The following EXOC6B variants were observed in gnomAD, a reference collection of about 807,000 sequenced individuals.
The protein encoded by EXOC6B is exocyst complex component 6B, also known as SEC15 homolog B.
Under a neutral mutation model 113.5 loss-of-function variants are expected in EXOC6B, and 54 were observed. That is an observed-to-expected ratio of 0.48 (90% confidence interval 0.38 to 0.60). The LOEUF (loss-of-function observed/expected upper bound fraction) is 0.60, where lower values mean the gene tolerates loss of function less well. EXOC6B is among the 20% of genes least tolerant of loss of function. The pLI, the probability that EXOC6B is intolerant of heterozygous loss-of-function variation, is 0.00. For missense variants in EXOC6B, 797 were observed against 977.5 expected (o/e 0.82, Z 2.46); for synonymous variants, 357 against 339.0 (o/e 1.05, Z -0.58).
chr2:72,455,569 C>T (rs1161328676), intron 18 of EXOC6B, among the ~76,000 whole-genome samples: 2 of 152,122 alleles, frequency 1.3e-5, no homozygotes, highest in African/African-American at 4.8e-5. Flanking sequence ...AGGCAGTTTA[C>T]ACCCCAGATT....
chr2:72,484,953 A>C (rs1392425934), intron 16 of EXOC6B, among the ~76,000 whole-genome samples: 1 of 152,160 alleles, frequency 6.6e-6, no homozygotes, highest in East Asian at 1.9e-4. Flanking sequence ...TTTATAGTAG[A>C]ATGATTTAAA....
rs148575148 is a variant in EXOC6B at position 72,643,985 on chromosome 2, T to C, written c.670-68317A>G. On this transcript the variant is annotated intron_variant, in intron 6 of 21. Coordinates refer to ENST00000272427, the MANE Select transcript of EXOC6B (RefSeq NM_015189.3). Reference sequence around the variant, plus strand: ...ACAGAAGTAGACTTCAGAAGGTCGGTAATAACAAACTTCAAGCTAAAGAAG... The same window carrying C: ...ACAGAAGTAGACTTCAGAAGGTCGGCAATAACAAACTTCAAGCTAAAGAAG... Among the ~76,000 whole-genome samples the C allele has an allele frequency of 5.4e-3, 827 of 151,868 alleles. 9 individuals carry two copies. The highest frequency in any genetic ancestry group is 0.019 in the African/African-American group (789 of 41,420).
intron 1 of EXOC6B, among the ~76,000 whole-genome samples, chr2:72,742,042 T>G (rs1681354607): frequency 6.6e-6 from 1 of 152,218 alleles, no homozygotes; most frequent in African/African-American, 2.4e-5. Flanking sequence ...CCTCAGCTGC[T>G]GATCTGACTA....
At chr2:72,502,356 T>C (rs947443271) in intron 11 of EXOC6B, among the ~76,000 whole-genome samples, 1 of 152,268 alleles carries the variant, frequency 6.6e-6, no homozygotes, top group Non-Finnish European at 1.5e-5. Flanking sequence ...TGGGCCAGCC[T>C]GGCCATTACG....
intron 7 of EXOC6B, among the ~76,000 whole-genome samples, chr2:72,564,067 G>A (rs945787933): frequency 7.2e-5 from 11 of 152,120 alleles, no homozygotes; most frequent in African/African-American, 2.7e-4. Flanking sequence ...CAGCTTTACT[G>A]CTGGGTAAGC....
At chr2:72,527,271 G>T (rs1701790252) in intron 8 of EXOC6B, among the ~76,000 whole-genome samples, 1 of 151,964 alleles carries the variant, frequency 6.6e-6, no homozygotes, top group Non-Finnish European at 1.5e-5. Flanking sequence ...AAAACATACA[G>T]TTAAGTTTTT....
intron 6 of EXOC6B, among the ~76,000 whole-genome samples, chr2:72,679,180 C>T (rs1676521471): frequency 6.6e-6 from 1 of 152,136 alleles, no homozygotes; most frequent in South Asian, 2.1e-4. Context: ...GATTCTCCTG[C>T]CTCGGCTTCC....
intron 20 of EXOC6B, among the ~76,000 whole-genome samples, chr2:72,299,192 A>C (rs7580952): frequency 0.37 from 55,220 of 150,968 alleles, 16,385 homozygotes; most frequent in African/African-American, 0.83. Context: ...TCTTTTCACT[A>C]TTTTTTCTCT....
At chr2:72,419,743 A>G (rs1464925260) in intron 18 of EXOC6B, among the ~76,000 whole-genome samples, 2 of 152,124 alleles carry the variant, frequency 1.3e-5, no homozygotes, top group African/African-American at 4.8e-5. Context: ...TCTGTTTTTC[A>G]AAAGTTTTAT....
chr2:72,241,787 A>C (rs1199124269), intron 20 of EXOC6B, among the ~76,000 whole-genome samples: 1 of 152,228 alleles, frequency 6.6e-6, no homozygotes, highest in Non-Finnish European at 1.5e-5. Flanking sequence ...AGTGAAAGTG[A>C]AATAAAGACT....
intron 18 of EXOC6B, among the ~76,000 whole-genome samples, chr2:72,401,628 TATATATATAC>T (rs1458180013): frequency 2.1e-4 from 10 of 48,322 alleles, no homozygotes; most frequent in Admixed American, 2.8e-4. Context: ...TATACATATA[TATATATATAC>T]ATATATACAT....
intron 6 of EXOC6B, among the ~76,000 whole-genome samples, chr2:72,707,477 G>A (rs150747219): frequency 0.013 from 1,950 of 150,684 alleles, 35 homozygotes; most frequent in African/African-American, 0.04. Context: ...GCAGTGGTGT[G>A]ATCTCAGCTC....
intron 8 of EXOC6B, among the ~76,000 whole-genome samples, chr2:72,555,185 T>C (rs1189362801): frequency 6.6e-6 from 1 of 152,216 alleles, no homozygotes; most frequent in Non-Finnish European, 1.5e-5. Context: ...TTCCAAGTTT[T>C]TGCTATTGTG....
chr2:72,587,718 T>C (rs968460101), intron 6 of EXOC6B, among the ~76,000 whole-genome samples: 6 of 151,954 alleles, frequency 3.9e-5, no homozygotes, highest in African/African-American at 1.2e-4. Flanking sequence ...AAGAGAATCA[T>C]CAACAGAGTA....
At chr2:72,540,838 C>T (rs1702557936) in intron 8 of EXOC6B, among the ~76,000 whole-genome samples, 2 of 152,186 alleles carry the variant, frequency 1.3e-5, no homozygotes, top group Admixed American at 1.3e-4. Flanking sequence ...GAGAGAGACA[C>T]AATGGCCTAA....
chr2:72,395,331 C>T (rs1223890649), intron 18 of EXOC6B, among the ~76,000 whole-genome samples: 3 of 152,220 alleles, frequency 2.0e-5, no homozygotes, highest in East Asian at 3.9e-4. Context: ...TTAACTTCCA[C>T]ATACAACTTA....
intron 8 of EXOC6B, chr2:72,515,691 G>A (rs17560823): frequency 0.15 from 151,342 of 987,754 alleles, 12,310 homozygotes; most frequent in Non-Finnish European, 0.17. Context: ...AGGGTTTCTG[G>A]GCTTAAAATG....
intron 6 of EXOC6B, among the ~76,000 whole-genome samples, chr2:72,713,495 A>C (rs1447495023): frequency 6.6e-6 from 1 of 151,884 alleles, no homozygotes; most frequent in Non-Finnish European, 1.5e-5. Flanking sequence ...GGTTAGTTAC[A>C]TATGTATACA....
intron 6 of EXOC6B, among the ~76,000 whole-genome samples, chr2:72,590,663 C>T (rs965845247): frequency 6.6e-6 from 1 of 151,938 alleles, no homozygotes; most frequent in Non-Finnish European, 1.5e-5. Context: ...TTCTTCCTTC[C>T]ATAATCTAAT....
Sources: gnomAD v4.1 joint callset for allele counts (sites outside exome capture counted in the v4.1 genomes callset) on GRCh38, gnomAD v4.1.1 for gene constraint, MANE v1.5 for transcripts, NCBI Gene and HGNC (gene_info 2026-07-23, HGNC 2026-07-21) for gene names.